Variants in RBFOX1 observed in about 807,000 individuals in gnomAD.
The protein encoded by RBFOX1 is RNA binding protein fox-1 homolog 1.
RBFOX1 carries 8 observed loss-of-function variants against 57.7 expected under a neutral mutation model. The observed-to-expected ratio is 0.14, with a 90% confidence interval of 0.08 to 0.25. RBFOX1 has a LOEUF of 0.25. Among genes scored for constraint, RBFOX1 ranks in the 10% least tolerant of loss-of-function variants. The pLI is 1.00. For synonymous variants in RBFOX1, 326 were observed against 222.4 expected, an observed-to-expected ratio of 1.47 and a Z score of -4.15; for missense variants, 611 against 548.5, an observed-to-expected ratio of 1.11 and a Z score of -1.14.
At chr16:6,007,828 T>C (rs1217472943) in intron 4 of RBFOX1, among the ~76,000 whole-genome samples, 1 of 152,108 alleles carries the variant, frequency 6.6e-6, no homozygotes. Flanking sequence ...AGAACTTTGA[T>C]ATCTAGCAGC....
intron 2 of RBFOX1, among the ~76,000 whole-genome samples, chr16:5,502,300 G>A (rs2043226289): frequency 2.6e-5 from 4 of 152,282 alleles, no homozygotes; most frequent in Middle Eastern, 3.4e-3. Flanking sequence ...TGGTCCTCCC[G>A]TCCCTGTGTG....
At chr16:7,191,752 T>C (rs1313996036) in intron 4 of RBFOX1, among the ~76,000 whole-genome samples, 1 of 152,230 alleles carries the variant, frequency 6.6e-6, no homozygotes, top group South Asian at 2.1e-4. Context: ...GAGCGAAAGC[T>C]GAAATAATTG....
intron 1 of RBFOX1, among the ~76,000 whole-genome samples, chr16:6,096,729 C>G (rs1424121): frequency 6.6e-6 from 1 of 152,194 alleles, no homozygotes; most frequent in East Asian, 1.9e-4. Context: ...ATTGTCACTA[C>G]GAAATAAAGG....
intron 4 of RBFOX1, among the ~76,000 whole-genome samples, chr16:7,415,184 C>G (rs2098466412): frequency 6.6e-6 from 1 of 152,202 alleles, no homozygotes; most frequent in African/African-American, 2.4e-5. Context: ...GGCTTACAAT[C>G]CTGGCTGTGC....
rs758785440 is a variant in RBFOX1, at chr16:7,518,218, G to A, written c.99G>A (p.Pro33=). The A allele has an allele frequency of 4.3e-6, 7 of 1,613,824 alleles. No individual in the cohort carries two copies. The highest frequency in any genetic ancestry group is 3.3e-5 in the South Asian group (3 of 91,048). The stretch of plus-strand genomic sequence containing the variant: ...ACGCTTCGGCCCAGTTTGCTCCCCC[G>A]CAGAACGGTATCCCCGCGGAATACA... ...QPYASAQFAP[P]QNGIPAEYTA... The change falls in exon 5 of 16, where the codon CCG becomes CCA. Residue 33 remains proline, a synonymous_variant. Coordinates refer to ENST00000550418, the MANE Select transcript of RBFOX1 (RefSeq NM_018723.4).
intron 2 of RBFOX1, among the ~76,000 whole-genome samples, chr16:6,558,289 G>T (rs911580525): frequency 6.6e-6 from 1 of 152,162 alleles, no homozygotes; most frequent in Non-Finnish European, 1.5e-5. Context: ...TTTGCAAATC[G>T]AGAATAAGAA....
intron 14 of RBFOX1, among the ~76,000 whole-genome samples, chr16:7,690,462 C>T (rs1208990099): frequency 3.3e-5 from 5 of 152,068 alleles, no homozygotes; most frequent in South Asian, 2.1e-4. Flanking sequence ...AGGTTGAGAA[C>T]GACTCAGCCA....
intron 2 of RBFOX1, among the ~76,000 whole-genome samples, chr16:6,335,389 G>T (rs984479098): frequency 1.3e-5 from 2 of 152,168 alleles, no homozygotes; most frequent in Non-Finnish European, 2.9e-5. Context: ...CCAGGAGAGG[G>T]AGGAAGTTCT....
intron 4 of RBFOX1, among the ~76,000 whole-genome samples, chr16:5,972,203 G>A (rs1023035380): frequency 4.0e-5 from 6 of 151,876 alleles, no homozygotes; most frequent in African/African-American, 1.5e-4. Flanking sequence ...ACACACATAA[G>A]CACACACACA....
chr16:6,019,316 C>G lies in RBFOX1; in HGVS notation c.-803C>G. The G allele has an allele frequency of 1.0e-6, 1 of 985,180 alleles. No homozygotes were observed. Among genetic ancestry groups the G allele is most frequent in the Non-Finnish European group, 1.2e-6 (1 of 830,208 alleles). 61.0% of individuals were successfully genotyped at this position (985,180 alleles called of 1,614,324 possible). On this transcript the variant is annotated 5_prime_UTR_variant, in exon 1 of 16. Transcript: ENST00000550418. The surrounding 1 kb of genome is among the most constrained non-coding windows in gnomAD (Gnocchi z 4.2). ...TGAAGGTCACCTCCTTTCCAGTCCC[C>G]GTGCGAGCCGCGCTGCCGCCGCCTC...
chr16:6,694,643 T>G (rs908064886), intron 3 of RBFOX1, among the ~76,000 whole-genome samples: 11 of 152,290 alleles, frequency 7.2e-5, no homozygotes, highest in African/African-American at 2.4e-4. Flanking sequence ...TGTGTTGGTC[T>G]TATCATGGCC....
chr16:6,130,980 A>G (rs2096625513), intron 1 of RBFOX1, among the ~76,000 whole-genome samples: 1 of 152,208 alleles, frequency 6.6e-6, no homozygotes, highest in African/African-American at 2.4e-5. Context: ...TCATAACCAG[A>G]TCAGCAGTGA....
At chr16:7,618,097 A>C (rs1395076208) in intron 10 of RBFOX1, among the ~76,000 whole-genome samples, 1 of 152,194 alleles carries the variant, frequency 6.6e-6, no homozygotes, top group Non-Finnish European at 1.5e-5. Context: ...AGGCTAAGGT[A>C]TATTGATCTG....
intron 1 of RBFOX1, among the ~76,000 whole-genome samples, chr16:6,169,354 G>T (rs2096941381): frequency 6.6e-6 from 1 of 152,040 alleles, no homozygotes; most frequent in Admixed American, 6.5e-5. Flanking sequence ...GGAGAGAAAA[G>T]AAAATTTCGG....
chr16:7,031,360 C>T (rs2042740276), intron 3 of RBFOX1, among the ~76,000 whole-genome samples: 1 of 152,034 alleles, frequency 6.6e-6, no homozygotes, highest in African/African-American at 2.4e-5. Context: ...CTTTGGGAGG[C>T]CGAGGCAGGT....
At chr16:5,827,753 A>T (rs1269662070) in intron 3 of RBFOX1, among the ~76,000 whole-genome samples, 2 of 152,050 alleles carry the variant, frequency 1.3e-5, no homozygotes, top group African/African-American at 4.8e-5. Flanking sequence ...CTTCCTCTGG[A>T]TGCACGCCAC....
intron 1 of RBFOX1, among the ~76,000 whole-genome samples, chr16:5,439,175 G>C (rs145927711): frequency 6.6e-6 from 1 of 152,086 alleles, no homozygotes; most frequent in Admixed American, 6.5e-5. Flanking sequence ...CACCTGTGCA[G>C]CTGGGCCCTG....
chr16:6,951,026 C>T (rs1451053127), intron 3 of RBFOX1, among the ~76,000 whole-genome samples: 2 of 152,022 alleles, frequency 1.3e-5, no homozygotes, highest in African/African-American at 4.8e-5. Flanking sequence ...CCACCTCTGC[C>T]TCTCGAGTAG....
intron 14 of RBFOX1, among the ~76,000 whole-genome samples, chr16:7,690,955 T>A (rs2077184083): frequency 6.6e-6 from 1 of 152,120 alleles, no homozygotes; most frequent in Non-Finnish European, 1.5e-5. Context: ...TTTACAGACA[T>A]TTCCTGTTAA....
Sources: allele counts gnomAD v4.1 joint callset (sites outside exome capture counted in the v4.1 genomes callset), GRCh38; gene constraint gnomAD v4.1.1; non-coding constraint Gnocchi (gnomAD v3.1); transcripts MANE v1.5; gene names NCBI Gene and HGNC (gene_info 2026-07-23, HGNC 2026-07-21).